Variants in ARHGEF9 observed in about 807,000 individuals in gnomAD.
ARHGEF9 encodes the protein rho guanine nucleotide exchange factor 9.
ARHGEF9 carries 2 observed loss-of-function variants against 41.3 expected under a neutral mutation model. The observed-to-expected ratio is 0.05, with a 90% CI of 0.02 to 0.15. The LOEUF (loss-of-function observed/expected upper bound fraction) is 0.15, where lower values mean the gene tolerates loss of function less well. ARHGEF9 is among the 10% of genes least tolerant of loss of function. ARHGEF9 has a pLI of 1.00. For missense variants in ARHGEF9, 225 were observed against 424.7 expected, an observed-to-expected ratio of 0.53 and a Z score of 4.13; for synonymous variants, 160 against 154.4, an observed-to-expected ratio of 1.04 and a Z score of -0.27.
At chrX:63,696,105 C>A (rs2051731539) in intron 4 of ARHGEF9, among the ~76,000 whole-genome samples, 1 of 111,170 alleles carries the variant, frequency 9.0e-6, no homozygotes, top group Non-Finnish European at 1.9e-5. Context: ...AGTCCTAAAC[C>A]ACATTCAATA....
chrX:63,734,548 CAG>C (rs1458870371), intron 1 of ARHGEF9, among the ~76,000 whole-genome samples: 1 of 111,761 alleles, frequency 8.9e-6, no homozygotes, highest in Non-Finnish European at 1.9e-5. Context: ...TTTCTGGGAC[CAG>C]AGAGTTTATA....
At position 63,635,855 on chromosome X, in the gene ARHGEF9, G is replaced by A; in HGVS notation, c.*2173C>T. On this transcript the variant is annotated 3_prime_UTR_variant, in exon 10 of 10. Transcript: ENST00000671741. ...GTTGGAAAAAGAGGTACACTGAAGGGAGGCCTGCATAGCTACCAAAACACT... is the reference window on the plus strand; with the variant it reads ...GTTGGAAAAAGAGGTACACTGAAGGAAGGCCTGCATAGCTACCAAAACACT... 6.7e-6 allele frequency: 1 copy of A among 150,234 alleles called. No individual in the cohort carries two copies. Among genetic ancestry groups the A allele is most frequent in the Non-Finnish European group, 1.2e-5 (1 of 80,155 alleles). 12.4% of individuals were successfully genotyped at this position (150,234 alleles called of 1,213,427 possible).
intron 4 of ARHGEF9, among the ~76,000 whole-genome samples, chrX:63,692,611 G>A (rs1258284862): frequency 2.7e-5 from 3 of 112,074 alleles, no homozygotes; most frequent in African/African-American, 3.2e-5. Context: ...ACTGCTGATC[G>A]GAATGTAAAT....
At chrX:63,714,556 C>T (rs1454826790) in intron 2 of ARHGEF9, among the ~76,000 whole-genome samples, 1 of 111,803 alleles carries the variant, frequency 8.9e-6, no homozygotes, top group Non-Finnish European at 1.9e-5. Context: ...GATTTCAAAT[C>T]CTGGCTCTAC....
chrX:63,778,364 C>A (rs1432569131), intron 1 of ARHGEF9, among the ~76,000 whole-genome samples: 1 of 112,144 alleles, frequency 8.9e-6, no homozygotes, highest in Non-Finnish European at 1.9e-5. Context: ...CCTGGGCTGG[C>A]CCATGAAACC....
chrX:63,755,023 C>T, intron 1 of ARHGEF9: 1 of 938,749 alleles, frequency 1.1e-6, no homozygotes. Context: ...CTTTACTTCG[C>T]TCGTTTTCCT....
chrX:63,694,041 G>A (rs1341699166), intron 4 of ARHGEF9, among the ~76,000 whole-genome samples: 3 of 110,519 alleles, frequency 2.7e-5, no homozygotes, highest in African/African-American at 6.6e-5. Context: ...AAATTAGCTG[G>A]GTGTAATGGC....
chrX:63,673,912 G>A, intron 6 of ARHGEF9, 126 bp downstream of exon 6: 1 of 888,066 alleles, frequency 1.1e-6, no homozygotes, highest in Admixed American at 2.8e-5. Context: ...ATTTTACCTT[G>A]AGTCTAATCT....
At chrX:63,647,493 T>C (rs2048193699) in intron 8 of ARHGEF9, among the ~76,000 whole-genome samples, 1 of 112,023 alleles carries the variant, frequency 8.9e-6, no homozygotes, top group African/African-American at 3.3e-5. Context: ...GATAATCATG[T>C]GGTTTTTGTC....
intron 1 of ARHGEF9, among the ~76,000 whole-genome samples, chrX:63,726,122 T>C (rs1556416819): frequency 2.7e-5 from 3 of 112,139 alleles, no homozygotes; most frequent in Non-Finnish European, 5.6e-5. Flanking sequence ...GATGCATCTG[T>C]CATGGCTCAG....
chrX:63,724,604 A>G lies in ARHGEF9; in HGVS notation c.138T>C (p.Asp46=), dbSNP rs2053845112. 1.7e-6 allele frequency: 2 copies of G among 1,211,381 alleles called. No homozygotes were observed. The highest frequency in any genetic ancestry group is 1.8e-5 in the South Asian group (1 of 56,939). ...FKAGDVIKVL[D]ASNKDWWWGQ... The stretch of plus-strand genomic sequence containing the variant: ...CCCACCACCAATCCTTGTTGGAAGC[A>G]TCCAAGACTTTGATGACGTCGCCAG... Residue 46 remains aspartate, a synonymous_variant, in exon 2 of 10, where the codon GAT becomes GAC. Coordinates refer to ENST00000671741, the MANE Select transcript of ARHGEF9 (RefSeq NM_001353921.2).
At chrX:63,666,487 C>CACACACACACACAT (rs1490998175) in intron 6 of ARHGEF9, among the ~76,000 whole-genome samples, 2 of 104,519 alleles carry the variant, frequency 1.9e-5, no homozygotes, top group South Asian at 4.5e-4. Flanking sequence ...CACACACACA[C>CACACACACACACAT]ATATATATAT....
At chrX:63,661,871 T>C (rs138877661) in intron 7 of ARHGEF9, among the ~76,000 whole-genome samples, 1,686 of 111,922 alleles carry the variant, frequency 0.015, 11 homozygotes, top group Middle Eastern at 0.037. Context: ...AACAGGCACA[T>C]TGTTGCATAA....
intron 1 of ARHGEF9, among the ~76,000 whole-genome samples, chrX:63,752,386 C>CA (rs1293216707): frequency 2.3e-4 from 26 of 110,814 alleles, no homozygotes; most frequent in Middle Eastern, 4.7e-3. Flanking sequence ...CAAAACAAAA[C>CA]AAAAAAACAG....
intron 1 of ARHGEF9, among the ~76,000 whole-genome samples, chrX:63,764,281 G>T (rs782412240): frequency 1.8e-5 from 2 of 112,275 alleles, no homozygotes; most frequent in South Asian, 7.4e-4. Flanking sequence ...CCATCTCATC[G>T]CCATTCTGAC....
Position 63,655,562 on chromosome X carries a change from T to C in ARHGEF9, c.1253A>G (p.Glu418Gly). ...EIHLFFAKKL[E>G]EKIRWLRAFR... ...AGCCCTGAGCCAGCGTATTTTTTCC[T>C]CCAGCTTCTTGGCAAAGAACAGATG... The change falls in exon 8 of 10, where the codon GAG becomes GGG. Residue 418 changes from glutamate (E) to glycine (G), a missense_variant. Around this residue, in one of 3 missense-constraint regions of ARHGEF9, gnomAD observed 75 missense variants for 113.2 expected, o/e 0.66. Transcript: ENST00000671741. 8 of 1,211,515 alleles carry C rather than the reference T, an allele frequency of 6.6e-6. No homozygotes were observed. The highest frequency in any genetic ancestry group is 8.9e-6 in the Non-Finnish European group (8 of 895,333).
intron 1 of ARHGEF9, among the ~76,000 whole-genome samples, chrX:63,730,639 TG>T: frequency 8.9e-6 from 1 of 112,088 alleles, no homozygotes. Flanking sequence ...GCTGCTGGTC[TG>T]GGAATCACAT....
intron 1 of ARHGEF9, among the ~76,000 whole-genome samples, chrX:63,741,641 G>A (rs1556426472): frequency 8.9e-6 from 1 of 112,674 alleles, no homozygotes; most frequent in Non-Finnish European, 1.9e-5. Context: ...CTGGGTAACA[G>A]TATATCTGAG....
chrX:63,646,153 C>A (rs1556313776), intron 8 of ARHGEF9, among the ~76,000 whole-genome samples: 1 of 111,366 alleles, frequency 9.0e-6, no homozygotes, highest in African/African-American at 3.3e-5. Context: ...GAGTAGATTG[C>A]AAAAATTTTC....
Sources: gnomAD v4.1 joint callset for allele counts (sites outside exome capture counted in the v4.1 genomes callset) on GRCh38, gnomAD v4.1.1 for gene constraint, gnomAD v4.1.1 regional missense constraint, MANE v1.5 for transcripts, NCBI Gene and HGNC (gene_info 2026-07-23, HGNC 2026-07-21) for gene names.